ARFGEF2: variants seen among roughly 807,000 people sequenced by gnomAD.
ARFGEF2 encodes the protein ARF guanine nucleotide exchange factor 2.
ARFGEF2 carries 74 observed loss-of-function variants against 219.9 expected under a neutral mutation model. The ratio of observed to expected loss-of-function variants is 0.34; its 90% CI spans 0.28 to 0.41. The LOEUF (loss-of-function observed/expected upper bound fraction) is 0.41. ARFGEF2 is among the 10% of genes least tolerant of loss of function. The probability of loss-of-function intolerance (pLI) is 1.00; values close to 1 mark genes in which losing one functional copy is unlikely to be tolerated. For synonymous variants in ARFGEF2, 733 were observed against 799.2 expected, an observed-to-expected ratio of 0.92 and a Z score of 1.40; for missense variants, 1,743 against 2,218.3, an observed-to-expected ratio of 0.79 and a Z score of 4.30.
At chr20:48,996,934 C>A (rs1397480391) in intron 23 of ARFGEF2, among the ~76,000 whole-genome samples, 1 of 151,958 alleles carries the variant, frequency 6.6e-6, no homozygotes, top group Non-Finnish European at 1.5e-5. Context: ...TCTTTTCTTT[C>A]CTTCCCCCAT....
At chr20:48,998,577 A>G in intron 25 of ARFGEF2, 72 bp downstream of exon 25, 1 of 1,527,628 alleles carries the variant, frequency 6.5e-7, no homozygotes, top group Non-Finnish European at 8.9e-7. Flanking sequence ...CAAAAAAAGA[A>G]GTGATAAATA....
intron 8 of ARFGEF2, among the ~76,000 whole-genome samples, chr20:48,968,235 C>T (rs1166380908): frequency 6.6e-6 from 1 of 152,022 alleles, no homozygotes; most frequent in Non-Finnish European, 1.5e-5. Context: ...CCTCGTGATT[C>T]GCCCGCCTCA....
intron 25 of ARFGEF2, among the ~76,000 whole-genome samples, chr20:49,003,939 T>G (rs1208396118): frequency 1.1e-4 from 16 of 152,178 alleles, no homozygotes; most frequent in Non-Finnish European, 2.2e-4. Context: ...TGACAGACAT[T>G]GGGAAAGTGT....
chr20:48,964,538 T>C (rs2091176588), intron 7 of ARFGEF2, among the ~76,000 whole-genome samples: 1 of 152,192 alleles, frequency 6.6e-6, no homozygotes, highest in Non-Finnish European at 1.5e-5. Context: ...CTGAGATCCA[T>C]GTCCATTGGA....
In ARFGEF2 at chr20:48,983,795, C is replaced by T. The variant is rs114513936; in HGVS notation, c.1959-934C>T. ...GTCCCAAGTTAAGTTCTGCCCTTGCCCCTATTTGTATCTTTCATGACGCTT... is the reference window on the plus strand; with the variant it reads ...GTCCCAAGTTAAGTTCTGCCCTTGCTCCTATTTGTATCTTTCATGACGCTT... On this transcript the variant is annotated intron_variant, in intron 14 of 38. Transcript: ENST00000371917. Among the ~76,000 whole-genome samples the T allele has an allele frequency of 1.4e-3, 217 of 152,282 alleles. 1 individual carries two copies. The highest frequency in any genetic ancestry group is 5.1e-3 in the African/African-American group (211 of 41,552).
intron 23 of ARFGEF2, among the ~76,000 whole-genome samples, chr20:48,997,485 C>G (rs2091399176): frequency 6.6e-6 from 1 of 152,182 alleles, no homozygotes; most frequent in Admixed American, 6.5e-5. Context: ...ATTGGACAGG[C>G]TGGTCTCGAA....
chr20:48,937,993 ACT>A (rs1342864628), intron 1 of ARFGEF2, among the ~76,000 whole-genome samples: 3 of 151,544 alleles, frequency 2.0e-5, no homozygotes, highest in Non-Finnish European at 4.4e-5. Flanking sequence ...ACACATTTAA[ACT>A]CTTCTGCATT....
At position 49,028,629 on chromosome 20, in the gene ARFGEF2, G is replaced by A. The variant is rs778607741; in HGVS notation, c.5024G>A (p.Arg1675His). The A allele has an allele frequency of 2.5e-5, 40 of 1,614,054 alleles. No individual in the cohort carries two copies. In the Middle Eastern group the frequency reaches 4.9e-4, roughly 20 times the overall value. Residue 1675 changes from arginine (R) to histidine (H), a missense_variant, in exon 37 of 39, where the codon CGC becomes CAC. Coordinates refer to ENST00000371917, the MANE Select transcript of ARFGEF2 (RefSeq NM_006420.3). ...ILFRMYVDEN[R>H]RDSWEEIQQR... is the part of the protein sequence containing the mutation. Reference sequence around the variant, plus strand: ...TTTCGAATGTATGTTGATGAGAACCGCAGGGATTCCTGGGAAGAAATACAG... The same window carrying A: ...TTTCGAATGTATGTTGATGAGAACCACAGGGATTCCTGGGAAGAAATACAG...
chr20:48,959,983 A>T (rs903264468), intron 6 of ARFGEF2, among the ~76,000 whole-genome samples: 1 of 152,170 alleles, frequency 6.6e-6, no homozygotes, highest in African/African-American at 2.4e-5. Context: ...TTATTTTGTG[A>T]ATTTTATTGC....
At position 49,017,528 on chromosome 20, in the gene ARFGEF2, A is replaced by C; in HGVS notation, c.4487A>C (p.Glu1496Ala). Residue 1496 changes from glutamate to alanine, a missense_variant, in exon 33 of 39, where the codon GAA becomes GCA. By Grantham distance (107) the Glu-to-Ala change is moderately radical. This residue lies in a region of ARFGEF2 where 578 missense variants were observed against 664.0 expected (regional missense o/e 0.87). Transcript: ENST00000371917. ...ACATGGAGACCTGTAGGAATGGAGG[A>C]AGATTCATCAGAAAAGCATTTGGTA... ...LLTWRPVGME[E>A]DSSEKHLDVD... is the part of the protein sequence containing the mutation. The C allele has an allele frequency of 2.5e-6, 4 of 1,614,020 alleles. No individual in the cohort carries two copies. The highest frequency in any genetic ancestry group is 3.4e-6 in the Non-Finnish European group (4 of 1,179,986).
intron 23 of ARFGEF2, among the ~76,000 whole-genome samples, chr20:48,996,698 C>T (rs184614616): frequency 3.1e-4 from 47 of 149,362 alleles, no homozygotes; most frequent in African/African-American, 1.0e-3. Context: ...GGGCCGAGAT[C>T]GCGCCATTGC....
At position 48,968,195 on chromosome 20, in the gene ARFGEF2, G is replaced by A. The variant is rs918681786; in HGVS notation, c.1060-952G>A. Among the ~76,000 whole-genome samples the A allele has an allele frequency of 2.6e-3, 390 of 151,948 alleles. 1 individual carries two copies. The highest frequency in any genetic ancestry group is 8.8e-3 in the African/African-American group (365 of 41,484). On this transcript the variant is annotated intron_variant, in intron 8 of 38. Transcript: ENST00000371917. ...TTTTTAGTAGAGACGGGGTTTCACC[G>A]TGTTAGCCAGGATGATCTCGATCTC...
chr20:49,007,268 T>C (rs1019958997), intron 26 of ARFGEF2, among the ~76,000 whole-genome samples: 1 of 151,056 alleles, frequency 6.6e-6, no homozygotes, highest in Admixed American at 6.6e-5. Flanking sequence ...CCCTAAAAAG[T>C]GTACTTCAGA....
intron 36 of ARFGEF2, among the ~76,000 whole-genome samples, chr20:49,026,924 AC>A (rs1302043706): frequency 6.6e-6 from 1 of 151,904 alleles, no homozygotes; most frequent in Non-Finnish European, 1.5e-5. Context: ...ATTTATTTTA[AC>A]CCACAATTAA....
intron 37 of ARFGEF2, among the ~76,000 whole-genome samples, chr20:49,029,905 T>A: frequency 1.2e-5 from 1 of 83,824 alleles, no homozygotes. Context: ...AAAGTGAATT[T>A]TTTTTTTTTT....
rs569326532 is a variant in ARFGEF2, at chr20:48,943,664, G to A, written c.276+1677G>A. On this transcript the variant is annotated intron_variant, in intron 3 of 38. Coordinates refer to ENST00000371917, the MANE Select transcript of ARFGEF2 (RefSeq NM_006420.3). The stretch of plus-strand genomic sequence containing the variant: ...TAGCTCACTAGAGCCTCTAACTCCT[G>A]GGCTCAAACAGTCCTCCTGCCTCAG... Among the ~76,000 whole-genome samples the A allele has an allele frequency of 1.2e-4, 18 of 152,248 alleles. No homozygotes were observed. In the East Asian group the frequency reaches 3.1e-3, roughly 26 times the overall value.
chr20:48,947,921 G>A (rs1478431463), intron 3 of ARFGEF2, among the ~76,000 whole-genome samples: 1 of 152,076 alleles, frequency 6.6e-6, no homozygotes, highest in Non-Finnish European at 1.5e-5. Context: ...ACTTTGACAG[G>A]ACAATTGGAA....
At chr20:48,961,333 A>T (rs1395749149) in intron 6 of ARFGEF2, among the ~76,000 whole-genome samples, 1 of 152,012 alleles carries the variant, frequency 6.6e-6, no homozygotes, top group African/African-American at 2.4e-5. Context: ...TTTGTTAAAA[A>T]CTAAGCCACA....
chr20:49,007,219 A>G (rs2091466469), intron 26 of ARFGEF2, among the ~76,000 whole-genome samples: 1 of 151,930 alleles, frequency 6.6e-6, no homozygotes, highest in Non-Finnish European at 1.5e-5. Flanking sequence ...AGAGATGTCA[A>G]GGATGACTTT....
Sources: gnomAD v4.1 joint callset for allele counts (sites outside exome capture counted in the v4.1 genomes callset) on GRCh38, gnomAD v4.1.1 for gene constraint, gnomAD v4.1.1 regional missense constraint, MANE v1.5 for transcripts, NCBI Gene and HGNC (gene_info 2026-07-23, HGNC 2026-07-21) for gene names.